The following DOP1B variants were observed in gnomAD, a reference collection of about 807,000 sequenced individuals.
The protein encoded by DOP1B is protein DOP1B.
A neutral mutation model predicts 233.5 loss-of-function variants in DOP1B; 174 were observed. The observed-to-expected ratio is 0.75, with a 90% CI of 0.66 to 0.85. DOP1B has a LOEUF of 0.85. Ranked by LOEUF, DOP1B falls within the 40% of genes least tolerant of loss-of-function variation. DOP1B has a pLI of 0.00. For synonymous variants in DOP1B, 1,190 were observed against 1,185.6 expected, an observed-to-expected ratio of 1.00 and a Z score of -0.08; for missense variants, 2,652 against 2,846.6, an observed-to-expected ratio of 0.93 and a Z score of 1.56.
chr21:36,162,168 A>C (rs533050176), intron 1 of DOP1B, among the ~76,000 whole-genome samples: 8 of 152,302 alleles, frequency 5.3e-5, no homozygotes, highest in Middle Eastern at 3.4e-3. Flanking sequence ...CAGTGGAAAG[A>C]ACAGCCAGGC....
intron 23 of DOP1B, among the ~76,000 whole-genome samples, chr21:36,258,100 G>A (rs1051060604): frequency 4.6e-5 from 7 of 152,010 alleles, no homozygotes; most frequent in East Asian, 1.9e-4. Context: ...GATAGATGTA[G>A]GTAGGTAGAT....
chr21:36,287,566 A>G (rs1433426694), intron 32 of DOP1B, among the ~76,000 whole-genome samples: 1 of 145,604 alleles, frequency 6.9e-6, no homozygotes, highest in African/African-American at 2.6e-5. Flanking sequence ...GCACAAAAGC[A>G]TCTCCTAACA....
At chr21:36,222,871 G>T (rs1054585757) in intron 10 of DOP1B, among the ~76,000 whole-genome samples, 15 of 151,992 alleles carry the variant, frequency 9.9e-5, no homozygotes, top group Non-Finnish European at 1.8e-4. Flanking sequence ...GAGTACCTGG[G>T]ATTACAGGTA....
chr21:36,270,439 G>A (rs924606089), intron 27 of DOP1B, among the ~76,000 whole-genome samples: 6 of 149,438 alleles, frequency 4.0e-5, no homozygotes, highest in Admixed American at 2.0e-4. Flanking sequence ...TGTGGTCCCA[G>A]CTACTTGGGA....
chr21:36,238,198 C>A (rs1207008407), intron 16 of DOP1B, among the ~76,000 whole-genome samples: 1 of 152,068 alleles, frequency 6.6e-6, no homozygotes, highest in Admixed American at 6.5e-5. Context: ...AATAATAAAC[C>A]AATTTTTTTA....
chr21:36,269,998 C>T lies in DOP1B; in HGVS notation c.5488-15C>T. On this transcript the variant is annotated splice_polypyrimidine_tract_variant and intron_variant, in intron 26 of 36. Transcript: ENST00000691173. Reference sequence around the variant, plus strand: ...TTAATTAACTTCCTTTCCCCCTCCTCCTGATAATTCTCAGGAAATCACTCA... The same window carrying T: ...TTAATTAACTTCCTTTCCCCCTCCTTCTGATAATTCTCAGGAAATCACTCA... 1 of 1,613,732 alleles carries T rather than the reference C, an allele frequency of 6.2e-7. No homozygotes were observed.
At chr21:36,177,311 C>T (rs954017261) in intron 2 of DOP1B, among the ~76,000 whole-genome samples, 1 of 152,198 alleles carries the variant, frequency 6.6e-6, no homozygotes, top group African/African-American at 2.4e-5. Flanking sequence ...ACTGTAAGAT[C>T]GAGATGGTCT....
At chr21:36,271,289 T>C (rs1341705706) in intron 27 of DOP1B, among the ~76,000 whole-genome samples, 1 of 130,658 alleles carries the variant, frequency 7.7e-6, no homozygotes, top group Non-Finnish European at 1.5e-5. Context: ...TCACCCAGGT[T>C]GGAGTTCACC....
rs530815580 is a variant in DOP1B, at chr21:36,205,469, G to T, written c.492-3246G>T. ...AGCGGTGCAATCTTGGCACCCTGCAGCCTCCACCTCCTGGGTTCAAGCAAT... is the reference window on the plus strand; with the variant it reads ...AGCGGTGCAATCTTGGCACCCTGCATCCTCCACCTCCTGGGTTCAAGCAAT... On this transcript the variant is annotated intron_variant, in intron 4 of 36. Coordinates refer to ENST00000691173, the MANE Select transcript of DOP1B (RefSeq NM_001320714.2). Among the ~76,000 whole-genome samples, 157 of 152,086 alleles carry T rather than the reference G, an allele frequency of 1.0e-3. 2 individuals carry two copies. Among genetic ancestry groups the T allele is most frequent in the Non-Finnish European group, 4.0e-4 (27 of 67,938 alleles).
chr21:36,237,950 C>T (rs2066845980), intron 16 of DOP1B, among the ~76,000 whole-genome samples: 1 of 152,084 alleles, frequency 6.6e-6, no homozygotes. Context: ...GGCGGATCAC[C>T]TGAGGTCAGG....
chr21:36,226,643 G>A (rs1032089707), intron 12 of DOP1B, among the ~76,000 whole-genome samples: 1 of 152,012 alleles, frequency 6.6e-6, no homozygotes, highest in African/African-American at 2.4e-5. Context: ...ACCCAGGCTG[G>A]AGTGCAGTGG....
At chr21:36,205,983 C>A (rs1320319146) in intron 4 of DOP1B, among the ~76,000 whole-genome samples, 1 of 150,006 alleles carries the variant, frequency 6.7e-6, no homozygotes, top group Non-Finnish European at 1.5e-5. Context: ...GCACTCCAGC[C>A]TGGGCAACAA....
chr21:36,278,006 G>T lies in DOP1B; in HGVS notation c.5744G>T (p.Arg1915Leu). The change falls in exon 29 of 37, where the codon CGA (arginine) becomes CTA (leucine). Residue 1915 changes from arginine to leucine, a missense_variant. This residue lies in a region of DOP1B where 2,617 missense variants were observed against 2,794.3 expected (regional missense o/e 0.94). Transcript: ENST00000691173. ...GCTTCCCTCCTGGACATGGTTTATC[G>T]AAGTGATGAGAAGGAGAAAGCTGTG... ...VLASLLDMVY[R>L]SDEKEKAVPL... 1 of 1,614,018 alleles carries T rather than the reference G, an allele frequency of 6.2e-7. No homozygotes were observed. The highest frequency in any genetic ancestry group is 2.2e-5 in the East Asian group (1 of 44,888).
intron 7 of DOP1B, among the ~76,000 whole-genome samples, chr21:36,212,851 A>G (rs560539377): frequency 1.6e-4 from 24 of 152,268 alleles, no homozygotes; most frequent in African/African-American, 5.1e-4. Context: ...GTGCAATCTC[A>G]GCTCACTACA....
chr21:36,245,282 A>G lies in DOP1B; in HGVS notation c.3302A>G (p.His1101Arg), dbSNP rs1194553635. 6.2e-7 allele frequency: 1 copy of G among 1,614,084 alleles called. No homozygotes were observed. Among genetic ancestry groups the G allele is most frequent in the South Asian group, 1.1e-5 (1 of 91,086 alleles). ...GTGGAGCTTCCAGACAGGACGGCCC[A>G]CGGCGCCCCGGACAGCAGCGAGCAC... ...YYVELPDRTA[H>R]GAPDSSEHTE... Residue 1101 changes from histidine to arginine, a missense_variant, in exon 19 of 37, where the codon CAC becomes CGC. Coordinates refer to ENST00000691173, the MANE Select transcript of DOP1B (RefSeq NM_001320714.2). The surrounding 1 kb of genome is among the most constrained non-coding windows in gnomAD (Gnocchi z 5.5).
chr21:36,245,572 G>T lies in DOP1B; in HGVS notation c.3592G>T (p.Ala1198Ser). Reference protein sequence around the residue: ...ASESFSSDEEADLELQALTTS... With the variant: ...ASESFSSDEESDLELQALTTS... Reference sequence around the variant, plus strand: ...TGAGTCGTTCTCCAGCGACGAGGAGGCGGACTTGGAGCTCCAGGCCCTCAC... The same window carrying T: ...TGAGTCGTTCTCCAGCGACGAGGAGTCGGACTTGGAGCTCCAGGCCCTCAC... Residue 1198 changes from alanine to serine, a missense_variant, in exon 19 of 37, where the codon GCG (alanine) becomes TCG (serine). Physicochemically the swap from Ala to Ser is moderately conservative, Grantham distance 99. Around this residue, in one of 3 missense-constraint regions of DOP1B, gnomAD observed 2,617 missense variants for 2,794.3 expected, o/e 0.94. Coordinates refer to ENST00000691173, the MANE Select transcript of DOP1B (RefSeq NM_001320714.2). This position sits in a 1 kb window ranked among gnomAD's most constrained non-coding sequence, Gnocchi z 5.5. The T allele has an allele frequency of 6.2e-7, 1 of 1,613,496 alleles. No homozygotes were observed. Among genetic ancestry groups the T allele is most frequent in the Non-Finnish European group, 8.5e-7 (1 of 1,179,964 alleles).
chr21:36,246,532 G>A lies in DOP1B; in HGVS notation c.4552G>A (p.Ala1518Thr), dbSNP rs140302792. The A allele has an allele frequency of 1.2e-6, 2 of 1,614,176 alleles. No individual in the cohort carries two copies. The highest frequency in any genetic ancestry group is 1.7e-6 in the Non-Finnish European group (2 of 1,180,048). The change falls in exon 19 of 37, where the codon GCC becomes ACC. Residue 1518 changes from alanine to threonine, a missense_variant. Ala to Thr is a moderately conservative substitution (Grantham distance 58). Around this residue, in one of 3 missense-constraint regions of DOP1B, gnomAD observed 2,617 missense variants for 2,794.3 expected, o/e 0.94. Transcript: ENST00000691173. This position sits in a 1 kb window ranked among gnomAD's most constrained non-coding sequence, Gnocchi z 5.1. ...CGCCTACGGTTACGGCATGCATCCG[G>A]CCTGGGTGAGCTTGGTCACGCATTC... ...QPAYGYGMHP[A>T]WVSLVTHSLP...
chr21:36,221,151 A>G (rs570630105), intron 10 of DOP1B, among the ~76,000 whole-genome samples: 33 of 152,214 alleles, frequency 2.2e-4, no homozygotes, highest in Non-Finnish European at 3.4e-4. Flanking sequence ...GTAGCTCTAC[A>G]CTATTCTCCT....
chr21:36,205,833 C>T (rs1377539213), intron 4 of DOP1B, among the ~76,000 whole-genome samples: 2 of 151,462 alleles, frequency 1.3e-5, no homozygotes, highest in African/African-American at 4.9e-5. Context: ...GGTGAAACCC[C>T]GTATCTACCA....
Sources: gnomAD v4.1 joint callset for allele counts (sites outside exome capture counted in the v4.1 genomes callset) on GRCh38, gnomAD v4.1.1 for gene constraint, gnomAD v4.1.1 regional missense constraint, Gnocchi (gnomAD v3.1) non-coding constraint, MANE v1.5 for transcripts, NCBI Gene and HGNC (gene_info 2026-07-23, HGNC 2026-07-21) for gene names.